GLB1L3: variants seen among roughly 807,000 people sequenced by gnomAD.
GLB1L3 encodes the protein beta-galactosidase-1-like protein 3.
GLB1L3 carries 89 observed loss-of-function variants against 89.5 expected under a neutral mutation model. The ratio of observed to expected loss-of-function variants is 0.99; its 90% CI spans 0.84 to 1.19. The LOEUF is 1.19. GLB1L3 is among the 50% of genes most tolerant of loss of function. GLB1L3 has a pLI of 0.00. For synonymous variants in GLB1L3, 314 were observed against 312.3 expected, an observed-to-expected ratio of 1.01 and a Z score of -0.06; for missense variants, 812 against 813.3, an observed-to-expected ratio of 1.00 and a Z score of 0.02.
At position 134,308,350 on chromosome 11, in the gene GLB1L3, T is replaced by C. The variant is rs796826542; in HGVS notation, c.961+1142T>C. 3.1e-4 allele frequency among the ~76,000 whole-genome samples: 6 copies of C among 19,366 alleles called. 1 individual carries two copies. The East Asian group carries it at 6.2e-3, about 20-fold the overall frequency. 12.7% of individuals were successfully genotyped at this position (19,366 alleles called of 152,430 possible). On this transcript the variant is annotated intron_variant, in intron 10 of 19. Transcript: ENST00000431683. The stretch of plus-strand genomic sequence containing the variant: ...ACCATCACCATCACCATCATCACCA[T>C]CACCACTACCACCACCACCACCACC...
intron 6 of GLB1L3, among the ~76,000 whole-genome samples, chr11:134,286,682 C>A (rs1176689246): frequency 6.6e-6 from 1 of 150,844 alleles, no homozygotes; most frequent in Non-Finnish European, 1.5e-5. Flanking sequence ...GAGGCTGAGG[C>A]AGGAGAATGA....
At position 134,312,803 on chromosome 11, in the gene GLB1L3, T is replaced by C; in HGVS notation, c.1429-13T>C. The C allele has an allele frequency of 6.2e-7, 1 of 1,607,804 alleles. No individual in the cohort carries two copies. The highest frequency in any genetic ancestry group is 8.5e-7 in the Non-Finnish European group (1 of 1,175,940). On this transcript the variant is annotated splice_polypyrimidine_tract_variant and intron_variant, in intron 14 of 19. Coordinates refer to ENST00000431683, the MANE Select transcript of GLB1L3 (RefSeq NM_001080407.3). ...GTGGGCCTAGCAGTCTGACGCCGGC[T>C]CTTCTTTTGCAGGTGTTTTTGGATG...
intron 18 of GLB1L3, among the ~76,000 whole-genome samples, chr11:134,318,203 C>T (rs545655841): frequency 6.6e-6 from 1 of 152,232 alleles, no homozygotes; most frequent in East Asian, 1.9e-4. Flanking sequence ...GGAAAAACTG[C>T]CTAGATGTCT....
At chr11:134,316,244 T>G (rs900865681) in intron 18 of GLB1L3, among the ~76,000 whole-genome samples, 1 of 151,910 alleles carries the variant, frequency 6.6e-6, no homozygotes, top group South Asian at 2.1e-4. Flanking sequence ...ATAAATTTAT[T>G]GTATTTATTT....
chr11:134,318,924 A>G lies in GLB1L3; in HGVS notation c.1944A>G (p.Thr648=). Residue 648 remains threonine (T), a synonymous_variant, in exon 20 of 20, where the codon ACA becomes ACG. Transcript: ENST00000431683. ...KMMSGSDIKS[T]DKPTL ...TGAGTGGCTCAGATATCAAATCTAC[A>G]GACAAGCCCACGCTGTAAAACTGTG... 4 of 1,612,374 alleles carry G rather than the reference A, an allele frequency of 2.5e-6. No individual in the cohort carries two copies. The highest frequency in any genetic ancestry group is 3.4e-6 in the Non-Finnish European group (4 of 1,179,182).
At chr11:134,283,939 C>T in intron 6 of GLB1L3, 94 bp downstream of exon 6, 1 of 727,920 alleles carries the variant, frequency 1.4e-6, no homozygotes, top group Non-Finnish European at 2.4e-6. Context: ...ATGCAGTCTC[C>T]ATGAACAATT....
rs1453796069 is a variant in GLB1L3 at position 134,312,922 on chromosome 11, C to T, written c.1500+35C>T. 5 of 1,402,600 alleles carry T rather than the reference C, an allele frequency of 3.6e-6. No individual in the cohort carries two copies. In the South Asian group the frequency reaches 6.0e-5, roughly 17 times the overall value. 86.9% of individuals were successfully genotyped at this position (1,402,600 alleles called of 1,614,324 possible). On this transcript the variant is annotated intron_variant, in intron 15 of 19. Coordinates refer to ENST00000431683, the MANE Select transcript of GLB1L3 (RefSeq NM_001080407.3). ...TTGAGAGTCCAGGTGATGCCCTCGACCCCCCTCAAATGCAGACGGAGCCTG... is the reference window on the plus strand; with the variant it reads ...TTGAGAGTCCAGGTGATGCCCTCGATCCCCCTCAAATGCAGACGGAGCCTG...
At chr11:134,282,408 G>A (rs1940750717) in intron 5 of GLB1L3, among the ~76,000 whole-genome samples, 1 of 152,050 alleles carries the variant, frequency 6.6e-6, no homozygotes, top group Non-Finnish European at 1.5e-5. Context: ...GGGAGAGGTG[G>A]CCACAAGAGG....
At chr11:134,287,081 A>G (rs966470200) in intron 6 of GLB1L3, 2 of 151,742 alleles carry the variant, frequency 1.3e-5, no homozygotes, top group African/African-American at 4.8e-5. Flanking sequence ...GAATGACGTG[A>G]ACCCGGGAGG....
chr11:134,276,787 C>T (rs1156781379), intron 1 of GLB1L3, 24 bp downstream of exon 1: 1 of 1,415,934 alleles, frequency 7.1e-7, no homozygotes, highest in African/African-American at 1.5e-5. Context: ...GCTGCCGTCC[C>T]GGGCTGCCCA....
At chr11:134,297,192 C>A (rs905925748) in intron 9 of GLB1L3, among the ~76,000 whole-genome samples, 6 of 152,114 alleles carry the variant, frequency 3.9e-5, no homozygotes, top group Non-Finnish European at 5.9e-5. Flanking sequence ...ATAAATATAG[C>A]AACTGTAGCT....
At chr11:134,318,506 C>T in intron 18 of GLB1L3, 125 bp from the exon 19 acceptor site, 2 of 651,506 alleles carry the variant, frequency 3.1e-6, no homozygotes, top group East Asian at 5.5e-5. Context: ...ACATATCCCA[C>T]TCTAAACTCA....
At chr11:134,300,491 C>T (rs1941886491) in intron 9 of GLB1L3, among the ~76,000 whole-genome samples, 1 of 152,058 alleles carries the variant, frequency 6.6e-6, no homozygotes, top group Non-Finnish European at 1.5e-5. Flanking sequence ...CTCCACCACG[C>T]CAGGCTAATT....
intron 9 of GLB1L3, chr11:134,305,046 G>A: frequency 6.5e-7 from 1 of 1,528,602 alleles, no homozygotes; most frequent in Non-Finnish European, 8.8e-7. Flanking sequence ...TATCTTAGTG[G>A]CACAATGCTG....
At chr11:134,321,378 C>T (rs1282464380), downstream of GLB1L3, among the ~76,000 whole-genome samples, 1 of 152,074 alleles carries the variant, frequency 6.6e-6, no homozygotes, top group Non-Finnish European at 1.5e-5. Flanking sequence ...ACAAAATCCT[C>T]TAACCAATAA....
At chr11:134,301,386 G>A (rs1261053092) in intron 9 of GLB1L3, among the ~76,000 whole-genome samples, 2 of 152,116 alleles carry the variant, frequency 1.3e-5, no homozygotes, top group African/African-American at 4.8e-5. Flanking sequence ...CTAGGAATAT[G>A]TCCATTTCAC....
chr11:134,323,421 ACAC>A (rs1943190212), downstream of GLB1L3, among the ~76,000 whole-genome samples: 3 of 142,134 alleles, frequency 2.1e-5, no homozygotes, highest in East Asian at 2.0e-4. Context: ...ACACACACAC[ACAC>A]AATTAGTCGG....
At chr11:134,278,129 T>C (rs768926315) in intron 3 of GLB1L3, among the ~76,000 whole-genome samples, 1 of 152,128 alleles carries the variant, frequency 6.6e-6, no homozygotes, top group Non-Finnish European at 1.5e-5. Context: ...AGTGGGAGAA[T>C]CTCAAGGGAG....
At chr11:134,312,595 T>C in intron 14 of GLB1L3, 106 bp downstream of exon 14, 1 of 1,371,226 alleles carries the variant, frequency 7.3e-7, no homozygotes, top group Non-Finnish European at 9.9e-7. Context: ...GGTGACCTAC[T>C]ATATGGGAGG....
Sources: gnomAD v4.1 joint callset for allele counts (sites outside exome capture counted in the v4.1 genomes callset) on GRCh38, gnomAD v4.1.1 for gene constraint, MANE v1.5 for transcripts, NCBI Gene and HGNC (gene_info 2026-07-23, HGNC 2026-07-21) for gene names.